The following ASB11 variants were observed in gnomAD, a reference collection of about 807,000 sequenced individuals.
ASB11 encodes the protein ankyrin repeat and SOCS box protein 11.
A neutral mutation model predicts 20.1 loss-of-function variants in ASB11; 17 were observed. The ratio of observed to expected loss-of-function variants is 0.85; its 90% CI spans 0.58 to 1.27. The LOEUF (loss-of-function observed/expected upper bound fraction) is 1.27. ASB11 is among the 50% of genes most tolerant of loss of function. ASB11 has a pLI of 0.00. For missense variants in ASB11, 259 were observed against 256.9 expected (o/e 1.01, Z -0.06); for synonymous variants, 107 against 105.6 (o/e 1.01, Z -0.08).
intron 6 of ASB11, among the ~76,000 whole-genome samples, chrX:15,284,177 G>C (rs575555103): frequency 2.8e-5 from 3 of 105,622 alleles, no homozygotes. Flanking sequence ...GCGTGAACCC[G>C]GGAGGCGGAG....
At chrX:15,291,705 T>C (rs1433071245) in intron 4 of ASB11, among the ~76,000 whole-genome samples, 1 of 89,941 alleles carries the variant, frequency 1.1e-5, no homozygotes, top group Non-Finnish European at 2.2e-5. Flanking sequence ...AGACTCTGTC[T>C]CAAAAAATAA....
intron 1 of ASB11, among the ~76,000 whole-genome samples, chrX:15,312,462 C>A (rs753117272): frequency 1.5e-4 from 7 of 47,588 alleles, no homozygotes; most frequent in Non-Finnish European, 1.6e-4. Context: ...TTTTACAGCA[C>A]AAAGAATGAT....
Position 15,302,732 on chromosome X carries a change from G to A in ASB11, c.257C>T (p.Ala86Val), listed in dbSNP as rs1388175109. Residue 86 changes from alanine (A) to valine (V), a missense_variant, in exon 2 of 7, where the codon GCA (alanine) becomes GTA (valine). Physicochemically the swap from Ala to Val is moderately conservative, Grantham distance 64 (BLOSUM62 0). Coordinates refer to ENST00000480796, the MANE Select transcript of ASB11 (RefSeq NM_080873.3). Reference protein sequence around the residue: ...GRLLALKTLIAQGVNVNLVTI... With the variant: ...GRLLALKTLIVQGVNVNLVTI... Reference sequence around the variant, plus strand: ...TCAAGTCTTCAGTTCACTTACTTGTGCAATTAAAGTTTTAAGGGCCAGTAA... The same window carrying A: ...TCAAGTCTTCAGTTCACTTACTTGTACAATTAAAGTTTTAAGGGCCAGTAA... 2 of 1,198,384 alleles carry A rather than the reference G, an allele frequency of 1.7e-6. No homozygotes were observed. Among genetic ancestry groups the A allele is most frequent in the Non-Finnish European group, 2.3e-6 (2 of 884,632 alleles).
At chrX:15,285,729 C>A (rs939273669) in intron 6 of ASB11, among the ~76,000 whole-genome samples, 1 of 110,445 alleles carries the variant, frequency 9.1e-6, no homozygotes, top group African/African-American at 3.3e-5. Flanking sequence ...CCTGGCCAGG[C>A]GCGGTGGCTC....
At chrX:15,306,647 G>A (rs927232061) in intron 1 of ASB11, among the ~76,000 whole-genome samples, 15 of 110,877 alleles carry the variant, frequency 1.4e-4, no homozygotes, top group Non-Finnish European at 2.8e-4. Flanking sequence ...AGGCTGCAGT[G>A]AGCCAAGATC....
At chrX:15,302,417 G>T (rs944004764) in intron 2 of ASB11, among the ~76,000 whole-genome samples, 1 of 112,276 alleles carries the variant, frequency 8.9e-6, no homozygotes, top group Admixed American at 9.5e-5. Context: ...ATGCATGCTG[G>T]AAGAGCATGA....
intron 1 of ASB11, among the ~76,000 whole-genome samples, chrX:15,312,131 G>A (rs1254914178): frequency 9.0e-6 from 1 of 110,547 alleles, no homozygotes; most frequent in Non-Finnish European, 1.9e-5. Flanking sequence ...CTGAGAAAGT[G>A]CCTGCAGAAA....
rs1187560621 is a variant in ASB11 at position 15,282,867 on chromosome X, A to G, written c.*638T>C. The G allele has an allele frequency of 9.4e-6, 1 of 106,344 alleles. No homozygotes were observed. The highest frequency in any genetic ancestry group is 2.9e-4 in the East Asian group (1 of 3,508). The allele number at this position is 106,344 out of a possible 1,213,427, so 8.8% of individuals were successfully genotyped here. ...TAAAGAACTTTGAAAACATATATAT[A>G]TAAGCTTTATACATATATTAAGGAC... On this transcript the variant is annotated 3_prime_UTR_variant, in exon 7 of 7. Transcript: ENST00000480796.
intron 6 of ASB11, among the ~76,000 whole-genome samples, chrX:15,284,151 C>T (rs1927290647): frequency 1.9e-5 from 2 of 104,640 alleles, no homozygotes; most frequent in Non-Finnish European, 3.9e-5. Context: ...ACTCGGGAGG[C>T]TGAGGCAGGA....
At chrX:15,307,255 T>C (rs968369160) in intron 1 of ASB11, among the ~76,000 whole-genome samples, 1 of 111,973 alleles carries the variant, frequency 8.9e-6, no homozygotes, top group Admixed American at 9.5e-5. Flanking sequence ...CTCACAAACC[T>C]AATGTTGAGT....
intron 6 of ASB11, 38 bp from the exon 7 acceptor site, chrX:15,283,667 G>C: frequency 8.4e-7 from 1 of 1,196,130 alleles, no homozygotes; most frequent in Non-Finnish European, 1.1e-6. Context: ...CTTCATAGTG[G>C]TGGGAGGTGG....
Position 15,283,580 on chromosome X carries a change from G to A in ASB11, c.897C>T (p.Leu299=), listed in dbSNP as rs751433388. ...GGATGGCTTGATGACATGCTCGACC[G>A]AGACACTTCCGGACACACAGGCGGC... ...QLCRLCVRKC[L]GRACHQAIHK... is the part of the protein sequence containing the mutation. Residue 299 remains leucine (L), a synonymous_variant, in exon 7 of 7, where the codon CTC becomes CTT. Transcript: ENST00000480796. 15 of 1,207,466 alleles carry A rather than the reference G, an allele frequency of 1.2e-5. No homozygotes were observed. In the Admixed American group the frequency reaches 2.2e-4, roughly 18 times the overall value.
At chrX:15,306,649 G>C (rs143896253) in intron 1 of ASB11, among the ~76,000 whole-genome samples, 2,020 of 110,868 alleles carry the variant, frequency 0.018, 24 homozygotes, top group Non-Finnish European at 0.029. Flanking sequence ...GCTGCAGTGA[G>C]CCAAGATCAC....
intron 6 of ASB11, among the ~76,000 whole-genome samples, chrX:15,284,122 G>T (rs772039757): frequency 9.4e-6 from 1 of 106,242 alleles, no homozygotes; most frequent in Non-Finnish European, 1.9e-5. Flanking sequence ...TGTGGTGGCG[G>T]GTGCCTATAG....
intron 6 of ASB11, 108 bp downstream of exon 6, chrX:15,287,773 C>T: frequency 1.1e-6 from 1 of 947,811 alleles, no homozygotes; most frequent in South Asian, 2.6e-5. Flanking sequence ...CCCACAATGC[C>T]ACCTTCAATT....
In ASB11 at chrX:15,283,561, C is replaced by T; in HGVS notation, c.916G>A (p.Ala306Thr). The part of the protein sequence containing the change: ...RKCLGRACHQ[A>T]IHKLHLPEPL... The stretch of plus-strand genomic sequence containing the variant: ...TCTGGCAGATGTAGCTTGTGGATGG[C>T]TTGATGACATGCTCGACCGAGACAC... Residue 306 changes from alanine to threonine, a missense_variant, in exon 7 of 7, where the codon GCC becomes ACC. Coordinates refer to ENST00000480796, the MANE Select transcript of ASB11 (RefSeq NM_080873.3). The T allele has an allele frequency of 8.3e-7, 1 of 1,209,878 alleles. No homozygotes were observed. Among genetic ancestry groups the T allele is most frequent in the Non-Finnish European group, 1.1e-6 (1 of 894,236 alleles).
chrX:15,291,261 T>C (rs1460857424), intron 4 of ASB11, among the ~76,000 whole-genome samples: 2 of 111,532 alleles, frequency 1.8e-5, no homozygotes, highest in African/African-American at 6.5e-5. Flanking sequence ...ATATATATGT[T>C]TTATAGGCAC....
At chrX:15,314,347 G>A in intron 1 of ASB11, 4 of 709,166 alleles carry the variant, frequency 5.6e-6, no homozygotes, top group African/African-American at 3.9e-5. Context: ...TTTTTTTTTT[G>A]TAACTAGTCA....
chrX:15,285,140 CTTTTTT>C (rs767822616), intron 6 of ASB11, among the ~76,000 whole-genome samples: 28 of 81,538 alleles, frequency 3.4e-4, no homozygotes, highest in African/African-American at 3.7e-4. Flanking sequence ...TTTAATCTTT[CTTTTTT>C]TTTTTTTTTT....
Sources: gnomAD v4.1 joint callset for allele counts (sites outside exome capture counted in the v4.1 genomes callset) on GRCh38, gnomAD v4.1.1 for gene constraint, MANE v1.5 for transcripts, NCBI Gene and HGNC (gene_info 2026-07-23, HGNC 2026-07-21) for gene names.